The following DAB2 variants were observed in gnomAD, a reference collection of about 807,000 sequenced individuals.
The protein encoded by DAB2 is DAB adaptor protein 2.
Under a neutral mutation model 71.6 loss-of-function variants are expected in DAB2, and 28 were observed. That is an observed-to-expected ratio of 0.39 (90% confidence interval 0.29 to 0.54). The LOEUF (loss-of-function observed/expected upper bound fraction) is 0.54, where lower values mean the gene tolerates loss of function less well. Among genes scored for constraint, DAB2 ranks in the 20% least tolerant of loss-of-function variants. The probability of loss-of-function intolerance (pLI) is 0.68; values close to 1 mark genes in which losing one functional copy is unlikely to be tolerated. For synonymous variants in DAB2, 345 were observed against 339.7 expected (o/e 1.02, Z -0.17); for missense variants, 867 against 928.8 (o/e 0.93, Z 0.86).
In DAB2 at chr5:39,382,685, T is replaced by C. The variant is rs201357764; in HGVS notation, c.1274A>G (p.His425Arg). ...AGGTGGGATAATGGCTATGGAGTCATGTGGTGAGGACTGGACAGAGCTTTC... is the reference window on the plus strand; with the variant it reads ...AGGTGGGATAATGGCTATGGAGTCACGTGGTGAGGACTGGACAGAGCTTTC... ...DLESSVQSSP[H>R]DSIAIIPPPQ... Residue 425 changes from histidine (H) to arginine (R), a missense_variant, in exon 10 of 15, where the codon CAT becomes CGT. Physicochemically the swap from His to Arg is conservative, Grantham distance 29 (BLOSUM62 0). This residue lies in a region of DAB2 where 740 missense variants were observed against 734.3 expected (regional missense o/e 1.01). Transcript: ENST00000320816. 7.1e-5 allele frequency: 114 copies of C among 1,614,048 alleles called. No individual in the cohort carries two copies. Among genetic ancestry groups the C allele is most frequent in the South Asian group, 4.4e-5 (4 of 91,080 alleles).
chr5:39,421,902 CAA>C (rs11303318), intron 1 of DAB2, among the ~76,000 whole-genome samples: 3,281 of 139,842 alleles, frequency 0.023, 100 homozygotes, highest in African/African-American at 0.064. Flanking sequence ...ACTACTACTA[CAA>C]AAAAAAAAAA....
Position 39,422,682 on chromosome 5 carries a change from G to A in DAB2, c.-102+2122C>T, listed in dbSNP as rs1756017752. On this transcript the variant is annotated intron_variant, in intron 1 of 14. Coordinates refer to ENST00000320816, the MANE Select transcript of DAB2 (RefSeq NM_001343.4). This position sits in a 1 kb window ranked among gnomAD's most constrained non-coding sequence, Gnocchi z 4.1. ...CTTCAGATAATCGAGGCCTGGTTGA[G>A]CAGGCCAGTAAATATCATCCCCAAA... 2.0e-5 allele frequency among the ~76,000 whole-genome samples: 3 copies of A among 152,084 alleles called. No individual in the cohort carries two copies. Among genetic ancestry groups the A allele is most frequent in the Admixed American group, 2.0e-4 (3 of 15,272 alleles).
intron 1 of DAB2, among the ~76,000 whole-genome samples, chr5:39,423,406 A>G (rs1339782072): frequency 6.6e-6 from 1 of 152,292 alleles, no homozygotes; most frequent in Non-Finnish European, 1.5e-5. Flanking sequence ...CCCTTCCAAG[A>G]GGGGAGACAC....
intron 1 of DAB2, among the ~76,000 whole-genome samples, chr5:39,404,204 T>G (rs1351101689): frequency 4.0e-5 from 5 of 125,290 alleles, no homozygotes; most frequent in African/African-American, 1.6e-4. Context: ...TGAGAGCACA[T>G]GGACACAGGA....
Position 39,383,130 on chromosome 5 carries a change from C to A in DAB2, c.829G>T (p.Glu277Ter). The A allele has an allele frequency of 6.2e-7, 1 of 1,614,098 alleles. No homozygotes were observed. Among genetic ancestry groups the A allele is most frequent in the Non-Finnish European group, 8.5e-7 (1 of 1,180,016 alleles). Residue 277 changes from glutamate (E) to a stop codon, truncating the protein, a stop_gained, in exon 10 of 15, where the codon GAA becomes TAA. Transcript: ENST00000320816. LOFTEE classifies it high-confidence loss of function. The part of the protein sequence containing the change: ...RPTPQASFLP[E>*]NAFSANLNFF... Reference sequence around the variant, plus strand: ...TTGAGATTGGCAGAAAAGGCATTTTCAGGCAAGAAGGATGCCTGAGGCGTT... The same window carrying A: ...TTGAGATTGGCAGAAAAGGCATTTTAAGGCAAGAAGGATGCCTGAGGCGTT...
intron 14 of DAB2, chr5:39,374,804 A>G: frequency 2.0e-6 from 1 of 508,882 alleles, no homozygotes; most frequent in South Asian, 2.7e-5. Context: ...AGGGTATATT[A>G]CTATTTTTTG....
intron 1 of DAB2, among the ~76,000 whole-genome samples, chr5:39,412,114 T>C (rs1489286884): frequency 1.3e-5 from 2 of 152,136 alleles, no homozygotes; most frequent in East Asian, 3.9e-4. Flanking sequence ...GTCCAAAACA[T>C]TCCCTTAAGG....
chr5:39,415,104 T>C (rs955788264), intron 1 of DAB2, among the ~76,000 whole-genome samples: 2 of 152,148 alleles, frequency 1.3e-5, no homozygotes, highest in African/African-American at 4.8e-5. Flanking sequence ...CATCAAGGAA[T>C]TATATATAAA....
intron 5 of DAB2, 31 bp downstream of exon 5, chr5:39,390,413 C>A (rs759168289): frequency 3.7e-6 from 6 of 1,606,674 alleles, no homozygotes; most frequent in Non-Finnish European, 4.2e-6. Context: ...GAGGACAAGT[C>A]CCCAGGTCTA....
intron 1 of DAB2, among the ~76,000 whole-genome samples, chr5:39,421,902 CA>C (rs11303318): frequency 0.96 from 134,934 of 140,214 alleles, 65,021 homozygotes; most frequent in Non-Finnish European, 0.99. Context: ...ACTACTACTA[CA>C]AAAAAAAAAA....
At chr5:39,388,726 A>T (rs950079351) in intron 8 of DAB2, 73 bp downstream of exon 8, 7 of 1,246,844 alleles carry the variant, frequency 5.6e-6, no homozygotes, top group Non-Finnish European at 7.0e-6. Context: ...ATTTGGTATC[A>T]GCAACATCTA....
chr5:39,377,126 C>T lies in DAB2; in HGVS notation c.1661G>A (p.Gly554Asp), dbSNP rs540206666. 5.6e-6 allele frequency: 9 copies of T among 1,614,104 alleles called. No individual in the cohort carries two copies. The African/African-American group carries it at 9.3e-5, about 17-fold the overall frequency. Residue 554 changes from glycine to aspartate, a missense_variant, in exon 12 of 15, where the codon GGT becomes GAT. Gly to Asp is a moderately conservative substitution (Grantham distance 94). Around this residue, in one of 2 missense-constraint regions of DAB2, gnomAD observed 740 missense variants for 734.3 expected, o/e 1.01. Coordinates refer to ENST00000320816, the MANE Select transcript of DAB2 (RefSeq NM_001343.4). ...VIFGTSPAVS[G>D]WNQPSPFAAS... is the part of the protein sequence containing the mutation. ...TGCAAAGGGTGAAGGCTGGTTCCAA[C>T]CTGAAACAGCTGGACTTGTACCAAA...
intron 1 of DAB2, among the ~76,000 whole-genome samples, chr5:39,396,783 T>C (rs1755378079): frequency 6.6e-6 from 1 of 152,204 alleles, no homozygotes; most frequent in African/African-American, 2.4e-5. Flanking sequence ...GGTGAGAACA[T>C]CTTTCTCTGA....
chr5:39,399,964 C>A (rs1755457874), intron 1 of DAB2, among the ~76,000 whole-genome samples: 1 of 152,116 alleles, frequency 6.6e-6, no homozygotes, highest in Non-Finnish European at 1.5e-5. Flanking sequence ...GGTTTTGAAG[C>A]AATATCATAA....
intron 5 of DAB2, among the ~76,000 whole-genome samples, 155 bp from the exon 6 acceptor site, chr5:39,390,087 T>C (rs1456058093): frequency 6.6e-6 from 1 of 152,054 alleles, no homozygotes; most frequent in African/African-American, 2.4e-5. Context: ...ACCAACCCAA[T>C]CCTCACCCTT....
In DAB2 at chr5:39,375,078, A is replaced by C. The variant is rs769520093; in HGVS notation, c.2254T>G (p.Ser752Ala). The part of the protein sequence containing the change: ...SFGSSQASVA[S>A]SQPVSSEMYR... ...ATCTCAGAAGATACAGGTTGAGAAG[A>C]AGCCACCTAAGAAGATAAAATCATC... Residue 752 changes from serine (S) to alanine (A), a missense_variant, in exon 14 of 15, where the codon TCT (serine) becomes GCT (alanine). By Grantham distance (99) the Ser-to-Ala change is moderately conservative. Transcript: ENST00000320816. The C allele has an allele frequency of 3.1e-6, 5 of 1,608,850 alleles. No homozygotes were observed. Among genetic ancestry groups the C allele is most frequent in the African/African-American group, 2.7e-5 (2 of 74,768 alleles).
intron 9 of DAB2, 99 bp downstream of exon 9, chr5:39,388,206 C>T: frequency 2.3e-6 from 2 of 851,518 alleles, no homozygotes; most frequent in South Asian, 3.1e-5. Context: ...CAACAGTCAC[C>T]TTCCAAGTTT....
At chr5:39,377,376 C>G in intron 11 of DAB2, 94 bp from the exon 12 acceptor site, 1 of 1,265,554 alleles carries the variant, frequency 7.9e-7, no homozygotes, top group African/African-American at 1.5e-5. Context: ...AGCCTCTCCA[C>G]AGCTAACACC....
intron 14 of DAB2, among the ~76,000 whole-genome samples, chr5:39,373,739 G>C (rs1182261185): frequency 6.6e-6 from 1 of 152,108 alleles, no homozygotes; most frequent in Non-Finnish European, 1.5e-5. Flanking sequence ...ATTCAATTTA[G>C]TCCATACAAT....
Sources: gnomAD v4.1 joint callset for allele counts (sites outside exome capture counted in the v4.1 genomes callset) on GRCh38, gnomAD v4.1.1 for gene constraint, gnomAD v4.1.1 regional missense constraint, Gnocchi (gnomAD v3.1) non-coding constraint, MANE v1.5 for transcripts, NCBI Gene and HGNC (gene_info 2026-07-23, HGNC 2026-07-21) for gene names.